Variants in TNFRSF21 observed in about 807,000 individuals in gnomAD.
The protein encoded by TNFRSF21 is tumor necrosis factor receptor superfamily member 21.
TNFRSF21 carries 19 observed loss-of-function variants against 45.6 expected under a neutral mutation model. The observed-to-expected ratio is 0.42, with a 90% confidence interval of 0.29 to 0.61. The LOEUF is 0.61. Ranked by LOEUF, TNFRSF21 falls within the 20% of genes least tolerant of loss-of-function variation. The probability of loss-of-function intolerance (pLI) is 0.23; values close to 1 mark genes in which losing one functional copy is unlikely to be tolerated. For synonymous variants in TNFRSF21, 314 were observed against 335.5 expected (o/e 0.94, Z 0.70); for missense variants, 737 against 851.5 (o/e 0.87, Z 1.67).
chr6:47,244,360 T>G (rs2113846252), intron 4 of TNFRSF21, among the ~76,000 whole-genome samples: 1 of 151,600 alleles, frequency 6.6e-6, no homozygotes, highest in East Asian at 1.9e-4. Context: ...AGTATTTCCT[T>G]CTCTGTGAAC....
chr6:47,280,047 C>T (rs1762546705), intron 3 of TNFRSF21, among the ~76,000 whole-genome samples: 1 of 152,098 alleles, frequency 6.6e-6, no homozygotes, highest in African/African-American at 2.4e-5. Context: ...CCATGGTAGA[C>T]AAAGATGGAT....
At chr6:47,239,885 CCT>C (rs1764720979) in intron 4 of TNFRSF21, among the ~76,000 whole-genome samples, 1 of 152,100 alleles carries the variant, frequency 6.6e-6, no homozygotes, top group Admixed American at 6.6e-5. Context: ...TTCTCTTTCC[CCT>C]TCCAAGTTAC....
intron 1 of TNFRSF21, among the ~76,000 whole-genome samples, chr6:47,303,432 A>C (rs1421488836): frequency 6.6e-6 from 1 of 152,146 alleles, no homozygotes; most frequent in East Asian, 1.9e-4. Flanking sequence ...CACCTGCCTG[A>C]GGTCTCTCTG....
chr6:47,237,714 C>T (rs188548516), intron 4 of TNFRSF21, among the ~76,000 whole-genome samples: 2 of 152,124 alleles, frequency 1.3e-5, no homozygotes, highest in Non-Finnish European at 2.9e-5. Flanking sequence ...CACGGTGACT[C>T]ACACCTATTT....
chr6:47,281,310 T>G (rs1445039274), intron 3 of TNFRSF21, among the ~76,000 whole-genome samples: 1 of 150,054 alleles, frequency 6.7e-6, no homozygotes, highest in African/African-American at 2.4e-5. Context: ...AATTATATAT[T>G]ATATATTACA....
At chr6:47,259,979 C>T (rs913025813) in intron 3 of TNFRSF21, among the ~76,000 whole-genome samples, 1 of 152,132 alleles carries the variant, frequency 6.6e-6, no homozygotes, top group Non-Finnish European at 1.5e-5. Flanking sequence ...AATAGAAACA[C>T]CCCCTCTTAT....
At chr6:47,249,270 T>C (rs1052250093) in intron 4 of TNFRSF21, among the ~76,000 whole-genome samples, 1 of 152,230 alleles carries the variant, frequency 6.6e-6, no homozygotes, top group Non-Finnish European at 1.5e-5. Flanking sequence ...GTTATAATAC[T>C]GTGCACAAAA....
Position 47,296,663 on chromosome 6 carries a change from A to G in TNFRSF21, c.97-10068T>C, listed in dbSNP as rs190625281. ...ATCATGTCTAAGTAATGAAGTCTCC[A>G]TAAAAGCCCAAAAGGACTGGGGTTT... On this transcript the variant is annotated intron_variant, in intron 1 of 5. Coordinates refer to ENST00000296861, the MANE Select transcript of TNFRSF21 (RefSeq NM_014452.5). Among the ~76,000 whole-genome samples the G allele has an allele frequency of 5.3e-5, 8 of 152,342 alleles. 1 individual carries two copies. Among genetic ancestry groups the G allele is most frequent in the Admixed American group, 3.9e-4 (6 of 15,304 alleles).
At chr6:47,260,389 G>A (rs1765056675) in intron 3 of TNFRSF21, among the ~76,000 whole-genome samples, 1 of 152,212 alleles carries the variant, frequency 6.6e-6, no homozygotes, top group Non-Finnish European at 1.5e-5. Flanking sequence ...CCCAGCAGGA[G>A]AGCTCAAGAA....
At chr6:47,233,440 C>T (rs1764616117) in intron 5 of TNFRSF21, among the ~76,000 whole-genome samples, 2 of 152,176 alleles carry the variant, frequency 1.3e-5, no homozygotes, top group Admixed American at 1.3e-4. Flanking sequence ...AGGCCCACCC[C>T]TTTCCAAATG....
At chr6:47,302,357 C>T (rs1029199909) in intron 1 of TNFRSF21, among the ~76,000 whole-genome samples, 1 of 152,170 alleles carries the variant, frequency 6.6e-6, no homozygotes, top group Non-Finnish European at 1.5e-5. Flanking sequence ...AAAGAAAACC[C>T]TAAAAGGTCC....
chr6:47,266,576 T>TC (rs1448579550), intron 3 of TNFRSF21, among the ~76,000 whole-genome samples: 1 of 152,178 alleles, frequency 6.6e-6, no homozygotes, highest in Non-Finnish European at 1.5e-5. Flanking sequence ...CAGCGTTATT[T>TC]CCCCAAAGAA....
At chr6:47,271,079 T>C (rs770999092) in intron 3 of TNFRSF21, among the ~76,000 whole-genome samples, 5 of 152,194 alleles carry the variant, frequency 3.3e-5, no homozygotes, top group South Asian at 2.1e-4. Flanking sequence ...TGGAACCAAG[T>C]TGGAAAACAC....
In TNFRSF21 at chr6:47,232,466, T is replaced by C. The variant is rs1023121024; in HGVS notation, c.*299A>G. On this transcript the variant is annotated 3_prime_UTR_variant, in exon 6 of 6. Transcript: ENST00000296861. Reference sequence around the variant, plus strand: ...CTTGAAAATACATAAGAAGGCAAAATGGAGAAAATATGGAACTTAAAAAAC... The same window carrying C: ...CTTGAAAATACATAAGAAGGCAAAACGGAGAAAATATGGAACTTAAAAAAC... 3.7e-5 allele frequency: 11 copies of C among 300,258 alleles called. No individual in the cohort carries two copies. The highest frequency in any genetic ancestry group is 2.0e-4 in the African/African-American group (9 of 45,060). 18.6% of individuals were successfully genotyped at this position (300,258 alleles called of 1,614,324 possible). A position where few individuals can be genotyped will look rare whatever the true frequency, so the allele number is the denominator to read the frequency against.
At chr6:47,276,840 AG>A (rs1211326465) in intron 3 of TNFRSF21, among the ~76,000 whole-genome samples, 1 of 152,246 alleles carries the variant, frequency 6.6e-6, no homozygotes, top group African/African-American at 2.4e-5. Flanking sequence ...ATGATCTCAG[AG>A]GCTCTGCCCA....
chr6:47,237,594 T>A (rs1302081062), intron 4 of TNFRSF21, among the ~76,000 whole-genome samples: 6 of 152,150 alleles, frequency 3.9e-5, no homozygotes, highest in African/African-American at 1.2e-4. Context: ...GAGGATCCTC[T>A]TATAAAAACT....
intron 5 of TNFRSF21, among the ~76,000 whole-genome samples, chr6:47,233,232 A>G (rs1340812540): frequency 6.6e-6 from 1 of 152,276 alleles, no homozygotes; most frequent in Admixed American, 6.5e-5. Context: ...TAGAGATCAG[A>G]CAAGGTCTTG....
chr6:47,290,144 T>G (rs908064723), intron 1 of TNFRSF21, among the ~76,000 whole-genome samples: 1 of 152,226 alleles, frequency 6.6e-6, no homozygotes, highest in Non-Finnish European at 1.5e-5. Flanking sequence ...AGCTACAGTG[T>G]TCTGAAAGTT....
chr6:47,290,039 C>A (rs1269226008), intron 1 of TNFRSF21, among the ~76,000 whole-genome samples: 2 of 152,062 alleles, frequency 1.3e-5, no homozygotes, highest in East Asian at 3.9e-4. Context: ...CAGGATTAGA[C>A]CCTATCTCCC....
Sources: gnomAD v4.1 joint callset for allele counts (sites outside exome capture counted in the v4.1 genomes callset) on GRCh38, gnomAD v4.1.1 for gene constraint, MANE v1.5 for transcripts, NCBI Gene and HGNC (gene_info 2026-07-23, HGNC 2026-07-21) for gene names.